Variants in FXR1 observed in about 807,000 individuals in gnomAD.
FXR1 encodes FMR1 autosomal homolog 1.
FXR1 carries 15 observed loss-of-function variants against 84.0 expected under a neutral mutation model. The ratio of observed to expected loss-of-function variants is 0.18; its 90% CI spans 0.12 to 0.27. FXR1 has a LOEUF of 0.27. FXR1 is among the 10% of genes least tolerant of loss of function. The pLI is 1.00. For synonymous variants in FXR1, 245 were observed against 250.7 expected (o/e 0.98, Z 0.21); for missense variants, 480 against 774.4 (o/e 0.62, Z 4.51).
At chr3:180,917,285 A>AT (rs1450983002) in intron 1 of FXR1, among the ~76,000 whole-genome samples, 2 of 152,314 alleles carry the variant, frequency 1.3e-5, no homozygotes, top group East Asian at 3.9e-4. Context: ...TAGATATATT[A>AT]ATAATGATGA....
Position 180,948,492 on chromosome 3 carries a change from A to G in FXR1, c.416A>G (p.Glu139Gly). Residue 139 changes from glutamate (E) to glycine (G), a missense_variant, in exon 5 of 17, where the codon GAG becomes GGG. Around this residue, in one of 6 missense-constraint regions of FXR1, gnomAD observed 136 missense variants for 315.4 expected, o/e 0.43. Transcript: ENST00000357559. ...GTGGATGTTCCTGAGGATTTGAGAG[A>G]GGCGTGAGTAATTTTATATACTATT... ...CTVDVPEDLREACANENAHKD... is the reference protein window; with the variant it reads ...CTVDVPEDLRGACANENAHKD... 6.3e-7 allele frequency: 1 copy of G among 1,594,162 alleles called. No individual in the cohort carries two copies. Among genetic ancestry groups the G allele is most frequent in the Non-Finnish European group, 8.6e-7 (1 of 1,165,406 alleles).
chr3:180,933,985 G>A (rs78297241), intron 2 of FXR1, among the ~76,000 whole-genome samples: 2 of 150,522 alleles, frequency 1.3e-5, no homozygotes, highest in African/African-American at 2.5e-5. Flanking sequence ...TGGTGGGGGG[G>A]CGCCTGTAAT....
intron 2 of FXR1, 42 bp downstream of exon 2, chr3:180,933,428 G>A (rs763864851): frequency 8.6e-7 from 1 of 1,164,134 alleles, no homozygotes; most frequent in South Asian, 1.2e-5. Context: ...TTTAGAGATG[G>A]CAGTGCCAAA....
At chr3:180,951,988 G>T (rs1722271901) in intron 8 of FXR1, among the ~76,000 whole-genome samples, 1 of 152,128 alleles carries the variant, frequency 6.6e-6, no homozygotes, top group South Asian at 2.1e-4. Context: ...GATTGCTTGA[G>T]CCTATGAGTT....
At chr3:180,975,091 T>G (rs1242011480) in intron 15 of FXR1, among the ~76,000 whole-genome samples, 2 of 152,080 alleles carry the variant, frequency 1.3e-5, no homozygotes, top group Non-Finnish European at 2.9e-5. Flanking sequence ...AAAGAGGAAT[T>G]TAATCTAGAT....
intron 14 of FXR1, among the ~76,000 whole-genome samples, chr3:180,969,131 CTTTG>C (rs36138307): frequency 0.17 from 25,818 of 151,964 alleles, 2,389 homozygotes; most frequent in Middle Eastern, 0.24. Context: ...GGAACTTGTT[CTTTG>C]TTTGTTTAGA....
intron 1 of FXR1, among the ~76,000 whole-genome samples, chr3:180,931,026 C>CAAGAAAAAAAAAAAA (rs1719826758): frequency 1.8e-5 from 1 of 55,642 alleles, no homozygotes; most frequent in Non-Finnish European, 3.5e-5. Flanking sequence ...GAGACTGCCT[C>CAAGAAAAAAAAAAAA]AAAAAAAAAA....
intron 1 of FXR1, among the ~76,000 whole-genome samples, chr3:180,921,155 A>C (rs1367160702): frequency 6.6e-6 from 1 of 151,914 alleles, no homozygotes; most frequent in Non-Finnish European, 1.5e-5. Context: ...GGATCACTTG[A>C]GGGCAGGAGT....
chr3:180,967,410 C>T (rs1001591170), intron 13 of FXR1, among the ~76,000 whole-genome samples: 1 of 152,196 alleles, frequency 6.6e-6, no homozygotes, highest in Non-Finnish European at 1.5e-5. Context: ...ATACACTATA[C>T]AGTTAAACTA....
intron 1 of FXR1, among the ~76,000 whole-genome samples, chr3:180,919,477 G>T (rs551645780): frequency 4.6e-5 from 7 of 151,648 alleles, no homozygotes; most frequent in Non-Finnish European, 1.0e-4. Context: ...TAGAGACAGG[G>T]TTTCACCATG....
At chr3:180,926,503 TA>T (rs374442683) in intron 1 of FXR1, among the ~76,000 whole-genome samples, 10,572 of 75,772 alleles carry the variant, frequency 0.14, 486 homozygotes, top group Middle Eastern at 0.17. Flanking sequence ...TATATATATA[TA>T]TATTTTTTTT....
chr3:180,961,609 A>G (rs758981561), intron 11 of FXR1, 55 bp downstream of exon 11: 33 of 778,116 alleles, frequency 4.2e-5, no homozygotes, highest in Non-Finnish European at 6.0e-5. Flanking sequence ...TACTACATAA[A>G]TGTTGTACAT....
At chr3:180,921,161 G>A (rs1718540982) in intron 1 of FXR1, among the ~76,000 whole-genome samples, 1 of 151,988 alleles carries the variant, frequency 6.6e-6, no homozygotes, top group African/African-American at 2.4e-5. Flanking sequence ...CTTGAGGGCA[G>A]GAGTTCGAGA....
chr3:180,932,584 A>C (rs902370826), intron 1 of FXR1, among the ~76,000 whole-genome samples: 11 of 152,208 alleles, frequency 7.2e-5, no homozygotes, highest in African/African-American at 2.7e-4. Flanking sequence ...TAGAATAAGA[A>C]GGCTAATTTT....
chr3:180,976,019 AC>A (rs1488540503), intron 16 of FXR1, 102 bp from the exon 17 acceptor site: 1 of 820,676 alleles, frequency 1.2e-6, no homozygotes, highest in African/African-American at 1.7e-5. Context: ...GGTATATAAA[AC>A]TGAAATTTTT....
chr3:180,932,078 A>AAAAAAAAAC (rs948906534), intron 1 of FXR1, among the ~76,000 whole-genome samples: 6 of 146,658 alleles, frequency 4.1e-5, no homozygotes, highest in African/African-American at 1.6e-4. Flanking sequence ...TAAGTTTCAA[A>AAAAAAAAAC]AAAAAAAAAA....
intron 9 of FXR1, among the ~76,000 whole-genome samples, chr3:180,954,637 A>G (rs1722558112): frequency 6.6e-6 from 1 of 152,180 alleles, no homozygotes; most frequent in Non-Finnish European, 1.5e-5. Context: ...TAATATAAAA[A>G]GAAGCATCAA....
intron 5 of FXR1, 75 bp from the exon 6 acceptor site, chr3:180,948,646 C>CT (rs1721926282): frequency 1.0e-6 from 1 of 964,380 alleles, no homozygotes; most frequent in Middle Eastern, 2.5e-4. Context: ...AAATGAAACA[C>CT]TGACTTTGTA....
At chr3:180,920,517 C>CTTTTTTTTTTTTTT (rs11359852) in intron 1 of FXR1, among the ~76,000 whole-genome samples, 1 of 127,378 alleles carries the variant, frequency 7.9e-6, no homozygotes, top group African/African-American at 2.8e-5. Context: ...TAGTTTTGTT[C>CTTTTTTTTTTTTTT]TTTTTTTTTT....
Sources: allele counts gnomAD v4.1 joint callset (sites outside exome capture counted in the v4.1 genomes callset), GRCh38; gene constraint gnomAD v4.1.1; regional missense constraint gnomAD v4.1.1; transcripts MANE v1.5; gene names NCBI Gene and HGNC (gene_info 2026-07-23, HGNC 2026-07-21).